SRGAP2: variants seen among roughly 807,000 people sequenced by gnomAD.
The protein encoded by SRGAP2 is SLIT-ROBO Rho GTPase-activating protein 2.
SRGAP2 carries 15 observed loss-of-function variants against 57.2 expected under a neutral mutation model. The observed-to-expected ratio is 0.26, with a 90% CI of 0.18 to 0.40. The LOEUF (loss-of-function observed/expected upper bound fraction) is 0.40, where lower values mean the gene tolerates loss of function less well. Among genes scored for constraint, SRGAP2 ranks in the 10% least tolerant of loss-of-function variants. The pLI is 1.00. For missense variants in SRGAP2, 520 were observed against 669.6 expected (o/e 0.78, Z 2.47); for synonymous variants, 249 against 248.0 (o/e 1.00, Z -0.04).
intron 13 of SRGAP2, 96 bp from the exon 14 acceptor site, chr1:206,430,066 C>T (rs1198948683): frequency 2.7e-6 from 2 of 741,332 alleles, no homozygotes; most frequent in East Asian, 2.5e-5. Flanking sequence ...GCTGGTGATC[C>T]GCTAAGACAG....
intron 2 of SRGAP2, among the ~76,000 whole-genome samples, chr1:206,233,388 T>G (rs1667749580): frequency 6.6e-6 from 1 of 152,172 alleles, no homozygotes; most frequent in Non-Finnish European, 1.5e-5. Flanking sequence ...ACCTGTCTGC[T>G]CTTGCTTCCT....
chr1:206,253,788 T>G (rs1669005207), intron 2 of SRGAP2, among the ~76,000 whole-genome samples: 1 of 151,624 alleles, frequency 6.6e-6, no homozygotes, highest in African/African-American at 2.4e-5. Flanking sequence ...TTTCACCGTG[T>G]TAACCAGGAT....
chr1:206,380,914 A>G (rs1655643273), intron 4 of SRGAP2, among the ~76,000 whole-genome samples: 1 of 141,390 alleles, frequency 7.1e-6, no homozygotes, highest in African/African-American at 2.7e-5. Context: ...TGAAACAGAG[A>G]ACGAATGGCC....
chr1:206,420,847 C>G (rs193141601), intron 12 of SRGAP2, among the ~76,000 whole-genome samples: 1 of 152,164 alleles, frequency 6.6e-6, no homozygotes, highest in East Asian at 1.9e-4. Context: ...CCTAGAGAAA[C>G]AAAACAAAAA....
intron 3 of SRGAP2, among the ~76,000 whole-genome samples, chr1:206,305,543 T>A (rs1294682253): frequency 6.6e-6 from 1 of 152,220 alleles, no homozygotes; most frequent in Non-Finnish European, 1.5e-5. Flanking sequence ...TGTTCTTCTC[T>A]TAGGGCATTC....
At chr1:206,432,226 G>T (rs1378943930) in intron 14 of SRGAP2, among the ~76,000 whole-genome samples, 4 of 152,318 alleles carry the variant, frequency 2.6e-5, no homozygotes, top group African/African-American at 9.6e-5. Context: ...ATTGTGGCAT[G>T]AATGTACCTG....
At chr1:206,259,744 A>G (rs1553313167) in intron 2 of SRGAP2, among the ~76,000 whole-genome samples, 2 of 151,176 alleles carry the variant, frequency 1.3e-5, no homozygotes, top group Non-Finnish European at 1.5e-5. Context: ...AAGTTTTATT[A>G]AACATTGTTA....
intron 2 of SRGAP2, among the ~76,000 whole-genome samples, chr1:206,209,089 GCTGA>G (rs1386240725): frequency 6.9e-6 from 1 of 144,830 alleles, no homozygotes; most frequent in Non-Finnish European, 1.5e-5. Flanking sequence ...GCTGAATTGG[GCTGA>G]CTATTGAGGC....
intron 3 of SRGAP2, among the ~76,000 whole-genome samples, chr1:206,307,582 T>C (rs1446542933): frequency 2.6e-5 from 4 of 152,142 alleles, no homozygotes; most frequent in Admixed American, 6.5e-5. Context: ...GGGCTGCAGG[T>C]CCCGAGCCCT....
At chr1:206,238,570 T>G (rs1668022575) in intron 2 of SRGAP2, among the ~76,000 whole-genome samples, 2 of 78,194 alleles carry the variant, frequency 2.6e-5, no homozygotes. Context: ...TAGTGCTGCT[T>G]CTTATTTTCA....
At chr1:206,448,019 C>A (rs1205572394) in intron 18 of SRGAP2, among the ~76,000 whole-genome samples, 1 of 152,164 alleles carries the variant, frequency 6.6e-6, no homozygotes, top group Admixed American at 6.5e-5. Context: ...GCTAGAAGCA[C>A]CTGAGGAACA....
chr1:206,434,289 GAAAAAAAC>G (rs1164730232), intron 14 of SRGAP2, among the ~76,000 whole-genome samples: 1 of 151,808 alleles, frequency 6.6e-6, no homozygotes, highest in Non-Finnish European at 1.5e-5. Context: ...AATCATGATG[GAAAAAAAC>G]AAAAAAACAA....
At chr1:206,433,837 ATT>A (rs781873980) in intron 14 of SRGAP2, among the ~76,000 whole-genome samples, 3 of 152,156 alleles carry the variant, frequency 2.0e-5, no homozygotes, top group Non-Finnish European at 4.4e-5. Context: ...CTAAACAAAT[ATT>A]TTACAGTAAT....
chr1:206,433,243 G>A (rs782696553), intron 14 of SRGAP2, among the ~76,000 whole-genome samples: 1 of 152,168 alleles, frequency 6.6e-6, no homozygotes, highest in Non-Finnish European at 1.5e-5. Context: ...TGGAAAAAAC[G>A]TGAAAAGAAT....
At chr1:206,210,817 T>C (rs1666269092) in intron 2 of SRGAP2, among the ~76,000 whole-genome samples, 1 of 150,374 alleles carries the variant, frequency 6.7e-6, no homozygotes, top group East Asian at 2.0e-4. Flanking sequence ...CAGTAAAACA[T>C]TTAGTTGGAA....
chr1:206,285,690 CAG>C (rs1670984208), intron 2 of SRGAP2, among the ~76,000 whole-genome samples: 1 of 151,898 alleles, frequency 6.6e-6, no homozygotes, highest in Non-Finnish European at 1.5e-5. Flanking sequence ...TTTTTGGAGA[CAG>C]AGTGTTGCTC....
intron 13 of SRGAP2, among the ~76,000 whole-genome samples, chr1:206,423,975 T>G (rs1660567856): frequency 7.4e-6 from 1 of 135,020 alleles, no homozygotes; most frequent in Non-Finnish European, 1.6e-5. Context: ...TTTTTTTTTA[T>G]AGAGACTGAG....
intron 14 of SRGAP2, among the ~76,000 whole-genome samples, chr1:206,430,665 T>C (rs535565379): frequency 1.3e-5 from 2 of 152,366 alleles, no homozygotes; most frequent in South Asian, 4.1e-4. Context: ...TAATCAGTTT[T>C]TGTTCTGGTT....
Position 206,461,674 on chromosome 1 carries a change from G to A in SRGAP2, c.*254G>A, listed in dbSNP as rs946506089. 83 of 420,170 alleles carry A rather than the reference G, an allele frequency of 2.0e-4. No individual in the cohort carries two copies. Among genetic ancestry groups the A allele is most frequent in the Non-Finnish European group, 2.8e-4 (65 of 235,930 alleles). The allele number at this position is 420,170 out of a possible 1,614,324, so 26.0% of individuals were successfully genotyped here. A position where few individuals can be genotyped will look rare whatever the true frequency, so the allele number is the denominator to read the frequency against. On this transcript the variant is annotated 3_prime_UTR_variant, in exon 23 of 23. Coordinates refer to ENST00000573034, the MANE Select transcript of SRGAP2 (RefSeq NM_015326.5). The stretch of plus-strand genomic sequence containing the variant: ...GTCCGTACCGTTCTTAGGTTAGCCA[G>A]AGACAGGTTTTCATTATCAGGTCAC...
Sources: allele counts gnomAD v4.1 joint callset (sites outside exome capture counted in the v4.1 genomes callset), GRCh38; gene constraint gnomAD v4.1.1; transcripts MANE v1.5; gene names NCBI Gene and HGNC (gene_info 2026-07-23, HGNC 2026-07-21).